Variants in PSMA1 observed in about 807,000 individuals in gnomAD.
PSMA1 encodes the protein proteasome subunit alpha type-1.
PSMA1 carries 3 observed loss-of-function variants against 38.4 expected under a neutral mutation model. The observed-to-expected ratio is 0.08, with a 90% CI of 0.04 to 0.20. The LOEUF is 0.20. Ranked by LOEUF, PSMA1 falls within the 10% of genes least tolerant of loss-of-function variation. The pLI, the probability that PSMA1 is intolerant of heterozygous loss-of-function variation, is 1.00. For missense variants in PSMA1, 227 were observed against 325.3 expected (o/e 0.70, Z 2.32); for synonymous variants, 101 against 107.1 (o/e 0.94, Z 0.35).
chr11:14,591,340 C>T (rs1852412184), intron 2 of PSMA1, among the ~76,000 whole-genome samples: 1 of 152,198 alleles, frequency 6.6e-6, no homozygotes, highest in Non-Finnish European at 1.5e-5. Flanking sequence ...ATGCCTGAGC[C>T]TCCCACCCAC....
rs115742189 is a variant in PSMA1, at chr11:14,609,398, G to A, written c.21+1568C>T. Among the ~76,000 whole-genome samples the A allele has an allele frequency of 5.9e-3, 904 of 152,250 alleles. 6 individuals are homozygous for A. Among genetic ancestry groups the A allele is most frequent in the African/African-American group, 0.021 (864 of 41,554 alleles). On this transcript the variant is annotated intron_variant, in intron 2 of 10. Coordinates refer to the PSMA1 transcript ENST00000418988. ...TCTAGCAGCTAATAAAACAGACAAA[G>A]ATTCTTGCCTTCATGGAGCAAAATT...
chr11:14,524,524 C>G (rs1851565780), upstream of PSMA1, among the ~76,000 whole-genome samples: 1 of 152,116 alleles, frequency 6.6e-6, no homozygotes, highest in African/African-American at 2.4e-5. Context: ...CAAAACATTG[C>G]TCTTAACTCC....
intron 8 of PSMA1, among the ~76,000 whole-genome samples, chr11:14,508,691 G>A (rs1006218219): frequency 6.6e-5 from 10 of 152,038 alleles, no homozygotes; most frequent in East Asian, 5.8e-4. Context: ...CAGAGTGACC[G>A]TCAACAGAAA....
chr11:14,520,465 C>T (rs990833059), upstream of PSMA1: 2 of 1,534,174 alleles, frequency 1.3e-6, no homozygotes, highest in Non-Finnish European at 1.8e-6. Flanking sequence ...GCAACACTTC[C>T]CCCTCCTTAA....
intron 4 of PSMA1, among the ~76,000 whole-genome samples, chr11:14,516,332 G>C (rs967051722): frequency 6.6e-6 from 1 of 152,110 alleles, no homozygotes; most frequent in African/African-American, 2.4e-5. Flanking sequence ...AGCCTTTTGA[G>C]TAGCTAGGAC....
chr11:14,528,943 T>C (rs1397367383), intron 2 of PSMA1, among the ~76,000 whole-genome samples: 1 of 152,108 alleles, frequency 6.6e-6, no homozygotes, highest in African/African-American at 2.4e-5. Context: ...TTAATGATAA[T>C]CCACCACCCG....
intron 2 of PSMA1, among the ~76,000 whole-genome samples, chr11:14,528,244 G>C (rs991176543): frequency 6.6e-6 from 1 of 151,966 alleles, no homozygotes; most frequent in South Asian, 2.1e-4. Context: ...AAACAATAAC[G>C]TTGAACCCCC....
intron 2 of PSMA1, among the ~76,000 whole-genome samples, chr11:14,608,398 C>T (rs1852668204): frequency 6.6e-6 from 1 of 151,240 alleles, no homozygotes; most frequent in Non-Finnish European, 1.5e-5. Context: ...ACATCACACA[C>T]CAGGGACTGT....
Position 14,520,330 on chromosome 11 carries a change from A to T in PSMA1, c.-31T>A. On this transcript the variant is annotated 5_prime_UTR_variant, in exon 1 of 10. Coordinates refer to ENST00000396394, the MANE Select transcript of PSMA1 (RefSeq NM_002786.4). ...CGGCGCGGGCCTGGTTGCGGCCTCCAGCAAAACTGAGAATCAAGGAGGTGC... is the reference window on the plus strand; with the variant it reads ...CGGCGCGGGCCTGGTTGCGGCCTCCTGCAAAACTGAGAATCAAGGAGGTGC... 6.2e-7 allele frequency: 1 copy of T among 1,614,166 alleles called. No individual in the cohort carries two copies. The highest frequency in any genetic ancestry group is 8.5e-7 in the Non-Finnish European group (1 of 1,180,002).
chr11:14,511,871 A>T lies in PSMA1; in HGVS notation c.545-920T>A, dbSNP rs567600167. Among the ~76,000 whole-genome samples, 5 of 152,188 alleles carry T rather than the reference A, an allele frequency of 3.3e-5. No individual in the cohort carries two copies. In the South Asian group the frequency reaches 8.3e-4, roughly 25 times the overall value. On this transcript the variant is annotated intron_variant, in intron 7 of 9. Transcript: ENST00000396394. ...AGACAACATGATCTTAGGAATCTAT[A>T]AAAAAATGACTAGAACTAATAAACA... is the stretch of plus-strand genomic sequence containing the variant.
intron 2 of PSMA1, among the ~76,000 whole-genome samples, chr11:14,585,129 A>G (rs1479836651): frequency 6.6e-6 from 1 of 152,138 alleles, no homozygotes; most frequent in Non-Finnish European, 1.5e-5. Context: ...CTTCTTTGGA[A>G]TTGTCAAATT....
intron 1 of PSMA1, chr11:14,519,744 G>A (rs944910757): frequency 1.3e-5 from 2 of 158,162 alleles, no homozygotes; most frequent in African/African-American, 2.4e-5. Flanking sequence ...ACCCTATATT[G>A]TAACCCTGAT....
At chr11:14,593,085 T>C (rs1429174220) in intron 2 of PSMA1, among the ~76,000 whole-genome samples, 1 of 152,214 alleles carries the variant, frequency 6.6e-6, no homozygotes, top group African/African-American at 2.4e-5. Context: ...AAACACTGTG[T>C]TGAAAGCCTC....
chr11:14,634,791 C>T lies in PSMA1; in HGVS notation c.-166+8664G>A, dbSNP rs116530064. Among the ~76,000 whole-genome samples the T allele has an allele frequency of 6.7e-3, 1,020 of 152,134 alleles. 10 individuals carry two copies. Among genetic ancestry groups the T allele is most frequent in the African/African-American group, 0.023 (960 of 41,492 alleles). On this transcript the variant is annotated intron_variant, in intron 1 of 10. Coordinates refer to the PSMA1 transcript ENST00000418988. Reference sequence around the variant, plus strand: ...TAATATATCCCTTCATTCTTATATCCCAATAAGTAAACAGAACTGGAGCCT... The same window carrying T: ...TAATATATCCCTTCATTCTTATATCTCAATAAGTAAACAGAACTGGAGCCT...
intron 2 of PSMA1, among the ~76,000 whole-genome samples, chr11:14,558,380 C>G (rs187665447): frequency 1.3e-5 from 2 of 152,178 alleles, no homozygotes; most frequent in African/African-American, 4.8e-5. Flanking sequence ...TGTGCCACTG[C>G]AATCCAGTCT....
At position 14,514,482 on chromosome 11, in the gene PSMA1, C is replaced by T; in HGVS notation, c.264G>A (p.Met88Ile). Residue 88 changes from methionine to isoleucine, a missense_variant, in exon 5 of 10, where the codon ATG (methionine) becomes ATA (isoleucine). By Grantham distance (10) the Met-to-Ile change is conservative. Transcript: ENST00000396394. The stretch of plus-strand genomic sequence containing the variant: ...ATCTGGAATCCAAACACTCCTGACG[C>T]ATAAAATTACTAAAAAAGAAACAAA... ...TADARLLCNF[M>I]RQECLDSRFV... The T allele has an allele frequency of 6.4e-7, 1 of 1,555,662 alleles. No homozygotes were observed. The highest frequency in any genetic ancestry group is 1.2e-5 in the South Asian group (1 of 81,394).
intron 2 of PSMA1, among the ~76,000 whole-genome samples, chr11:14,599,791 G>C (rs2134193129): frequency 6.6e-6 from 1 of 152,226 alleles, no homozygotes; most frequent in East Asian, 1.9e-4. Context: ...TGCTGGCTAG[G>C]AGCTGTGTTC....
intron 2 of PSMA1, among the ~76,000 whole-genome samples, chr11:14,555,568 G>T (rs1259821466): frequency 2.0e-5 from 3 of 152,158 alleles, no homozygotes; most frequent in Non-Finnish European, 4.4e-5. Flanking sequence ...CCACCTCTGT[G>T]TTTTGCTCCA....
At chr11:14,636,833 T>A (rs1358520377) in intron 1 of PSMA1, among the ~76,000 whole-genome samples, 3 of 152,224 alleles carry the variant, frequency 2.0e-5, no homozygotes, top group Admixed American at 1.3e-4. Flanking sequence ...GAAAGTTTTA[T>A]AGCTGTTATT....
Sources: gnomAD v4.1 joint callset for allele counts (sites outside exome capture counted in the v4.1 genomes callset) on GRCh38, gnomAD v4.1.1 for gene constraint, MANE v1.5 for transcripts, NCBI Gene and HGNC (gene_info 2026-07-23, HGNC 2026-07-21) for gene names.